The following DLG2 variants were observed in gnomAD, a reference collection of about 807,000 sequenced individuals.
DLG2 encodes discs large MAGUK scaffold protein 2.
A neutral mutation model predicts 132.5 loss-of-function variants in DLG2; 45 were observed. The ratio of observed to expected loss-of-function variants is 0.34; its 90% CI spans 0.27 to 0.44. The LOEUF (loss-of-function observed/expected upper bound fraction) is 0.44, where lower values mean the gene tolerates loss of function less well. Ranked by LOEUF, DLG2 falls within the 20% of genes least tolerant of loss-of-function variation. The probability of loss-of-function intolerance (pLI) is 1.00; values close to 1 mark genes in which losing one functional copy is unlikely to be tolerated. For missense variants in DLG2, 1,045 were observed against 1,196.9 expected (o/e 0.87, Z 1.87); for synonymous variants, 424 against 419.6 (o/e 1.01, Z -0.13).
intron 7 of DLG2, among the ~76,000 whole-genome samples, chr11:84,497,640 T>A (rs188166379): frequency 1.9e-4 from 29 of 152,288 alleles, no homozygotes; most frequent in Non-Finnish European, 4.4e-5. Flanking sequence ...GCTCACATAA[T>A]ACAAATTAGA....
chr11:83,548,326 C>G (rs2096290481), intron 19 of DLG2, among the ~76,000 whole-genome samples: 2 of 152,080 alleles, frequency 1.3e-5, no homozygotes, highest in Non-Finnish European at 2.9e-5. Flanking sequence ...TGGGCCCAGT[C>G]TAATCACATG....
At chr11:84,258,786 T>C (rs1226084535) in intron 7 of DLG2, among the ~76,000 whole-genome samples, 1 of 152,182 alleles carries the variant, frequency 6.6e-6, no homozygotes, top group Non-Finnish European at 1.5e-5. Flanking sequence ...AAAATGCAAT[T>C]ATTTTCTGCC....
intron 7 of DLG2, among the ~76,000 whole-genome samples, chr11:84,531,579 A>G (rs928151145): frequency 4.1e-4 from 63 of 152,206 alleles, no homozygotes; most frequent in Non-Finnish European, 1.6e-4. Context: ...CCTGGTCCCA[A>G]AATAGCTACC....
chr11:84,761,661 G>A (rs1180257145), intron 6 of DLG2, among the ~76,000 whole-genome samples: 1 of 152,106 alleles, frequency 6.6e-6, no homozygotes, highest in Non-Finnish European at 1.5e-5. Flanking sequence ...TCAGCTTTTG[G>A]ACTCTTGAAC....
At chr11:84,651,859 A>C (rs1053030756) in intron 6 of DLG2, among the ~76,000 whole-genome samples, 19 of 152,208 alleles carry the variant, frequency 1.2e-4, no homozygotes, top group African/African-American at 4.6e-4. Context: ...AAACTTTTTC[A>C]TATATTCTAA....
chr11:84,274,102 C>T (rs773662317), intron 7 of DLG2, among the ~76,000 whole-genome samples: 2 of 151,858 alleles, frequency 1.3e-5, no homozygotes, highest in Non-Finnish European at 1.5e-5. Context: ...ATGTGCACTT[C>T]GACAACAAAA....
chr11:84,720,162 G>T, intron 6 of DLG2: 1 of 683,812 alleles, frequency 1.5e-6, no homozygotes, highest in Non-Finnish European at 1.8e-6. Flanking sequence ...AAACCCAGCT[G>T]GCTCCCAGAA....
chr11:85,392,252 G>A (rs1596823354), intron 3 of DLG2, among the ~76,000 whole-genome samples: 1 of 152,046 alleles, frequency 6.6e-6, no homozygotes, highest in South Asian at 2.1e-4. Context: ...ACCTCTGCAA[G>A]GAAAACTACA....
At chr11:84,475,628 G>A (rs2099119578) in intron 7 of DLG2, among the ~76,000 whole-genome samples, 1 of 152,070 alleles carries the variant, frequency 6.6e-6, no homozygotes, top group Non-Finnish European at 1.5e-5. Flanking sequence ...TCACACCATA[G>A]ATATCATGCT....
At chr11:84,439,829 G>A (rs1290531212) in intron 7 of DLG2, among the ~76,000 whole-genome samples, 1 of 152,162 alleles carries the variant, frequency 6.6e-6, no homozygotes, top group Non-Finnish European at 1.5e-5. Flanking sequence ...CTAAGTTAAT[G>A]ATTAGAAAAT....
chr11:84,666,855 C>A (rs1355372464), intron 6 of DLG2, among the ~76,000 whole-genome samples: 3 of 152,144 alleles, frequency 2.0e-5, no homozygotes, highest in Admixed American at 1.3e-4. Context: ...AAACTGGAAT[C>A]AAAATGGGAT....
intron 3 of DLG2, among the ~76,000 whole-genome samples, chr11:85,302,418 C>T (rs552843163): frequency 6.6e-5 from 10 of 152,224 alleles, no homozygotes; most frequent in East Asian, 1.9e-4. Flanking sequence ...GTAAGAACTA[C>T]ACCATCATCT....
rs148828334 is a variant in DLG2 at position 85,508,470 on chromosome 11, G to A, written c.40+90187C>T. 5.1e-3 allele frequency among the ~76,000 whole-genome samples: 769 copies of A among 152,008 alleles called. 4 individuals carry two copies. The highest frequency in any genetic ancestry group is 0.017 in the African/African-American group (713 of 41,520). ...GAAATGCCTTTCCTTTCTACCTTAG[G>A]TATGTTCTTTATCCCCCTACTCTGT... On this transcript the variant is annotated intron_variant, in intron 3 of 27. Coordinates refer to ENST00000376104, the MANE Select transcript of DLG2 (RefSeq NM_001142699.3).
intron 18 of DLG2, among the ~76,000 whole-genome samples, chr11:83,713,208 T>C (rs2153666906): frequency 6.6e-6 from 1 of 152,298 alleles, no homozygotes; most frequent in South Asian, 2.1e-4. Context: ...AAAGATCTCA[T>C]CATTGGGGAA....
intron 17 of DLG2, among the ~76,000 whole-genome samples, chr11:83,822,802 G>A (rs1019425067): frequency 1.3e-5 from 2 of 152,050 alleles, no homozygotes; most frequent in African/African-American, 4.8e-5. Context: ...ACCTGGAACT[G>A]ACGTCTGTTG....
At chr11:84,029,806 C>G (rs1668578863) in intron 11 of DLG2, among the ~76,000 whole-genome samples, 2 of 152,028 alleles carry the variant, frequency 1.3e-5, no homozygotes, top group South Asian at 2.1e-4. Context: ...GTTGGTATTT[C>G]TGCATGAAGT....
At chr11:83,460,465 T>A (rs1476102896) in intron 27 of DLG2, among the ~76,000 whole-genome samples, 1 of 152,190 alleles carries the variant, frequency 6.6e-6, no homozygotes, top group Non-Finnish European at 1.5e-5. Flanking sequence ...AAATCTCTGG[T>A]AACTTGAGAT....
intron 3 of DLG2, among the ~76,000 whole-genome samples, chr11:85,515,226 A>G (rs2094148763): frequency 6.6e-6 from 1 of 152,012 alleles, no homozygotes; most frequent in African/African-American, 2.4e-5. Flanking sequence ...CGCCTAGATT[A>G]TTCTAATTTC....
intron 3 of DLG2, among the ~76,000 whole-genome samples, chr11:85,476,624 C>G (rs1216697276): frequency 1.3e-5 from 2 of 151,772 alleles, no homozygotes; most frequent in Non-Finnish European, 2.9e-5. Flanking sequence ...TAATTTTTTA[C>G]ATTTTAAACT....
Sources: allele counts gnomAD v4.1 joint callset (sites outside exome capture counted in the v4.1 genomes callset), GRCh38; gene constraint gnomAD v4.1.1; transcripts MANE v1.5; gene names NCBI Gene and HGNC (gene_info 2026-07-23, HGNC 2026-07-21).